The following INPP5K variants were observed in gnomAD, a reference collection of about 807,000 sequenced individuals.
INPP5K encodes inositol polyphosphate-5-phosphatase K.
In INPP5K, 35 loss-of-function variants were observed where a neutral mutation model predicts 53.5. That is an observed-to-expected ratio of 0.65 (90% CI 0.50 to 0.87). The LOEUF (loss-of-function observed/expected upper bound fraction) is 0.87. Ranked by LOEUF, INPP5K falls within the 40% of genes least tolerant of loss-of-function variation. The pLI is 0.00. For synonymous variants in INPP5K, 253 were observed against 232.8 expected (o/e 1.09, Z -0.79); for missense variants, 550 against 586.2 (o/e 0.94, Z 0.64).
chr17:1,509,741 A>C lies in INPP5K; in HGVS notation c.320T>G (p.Leu107Trp), dbSNP rs200716274. ...AGTAGACAGAATCTGGATATAGGGC[A>C]AATGCTGATACTTGGCAAAGACCAG... ...LLLVFAKYQH[L>W]PYIQILSTKS... Residue 107 changes from leucine (L) to tryptophan (W), a missense_variant, in exon 4 of 12, where the codon TTG becomes TGG. Transcript: ENST00000421807. 10 of 1,613,868 alleles carry C rather than the reference A, an allele frequency of 6.2e-6. No homozygotes were observed. The East Asian group carries it at 2.2e-4, about 36-fold the overall frequency.
intron 7 of INPP5K, 49 bp from the exon 8 acceptor site, chr17:1,498,171 G>A (rs1047712282): frequency 6.6e-7 from 1 of 1,506,368 alleles, no homozygotes; most frequent in Non-Finnish European, 9.0e-7. Flanking sequence ...AGAAGAAAGG[G>A]TTGGCTAAGA....
chr17:1,498,244 G>C (rs2074914286), intron 7 of INPP5K, 122 bp from the exon 8 acceptor site: 1 of 823,232 alleles, frequency 1.2e-6, no homozygotes, highest in Non-Finnish European at 1.9e-6. Context: ...GGCAGCCACA[G>C]ACCCCCGGGG....
At chr17:1,495,961 G>T in intron 11 of INPP5K, 82 bp from the exon 12 acceptor site, 1 of 1,411,576 alleles carries the variant, frequency 7.1e-7, no homozygotes, top group Non-Finnish European at 1.0e-6. Flanking sequence ...GCACTGCAGC[G>T]GCCCCTCATG....
chr17:1,514,905 CTTTTTTTTTT>C (rs774754833), intron 1 of INPP5K, among the ~76,000 whole-genome samples: 1 of 134,492 alleles, frequency 7.4e-6, no homozygotes, highest in South Asian at 2.3e-4. Context: ...TTCAGCGAGA[CTTTTTTTTTT>C]TTTTTTTTTG....
In INPP5K at chr17:1,498,140, A is replaced by G; in HGVS notation, c.777-18T>C. Reference sequence around the variant, plus strand: ...TTTTCTCACTGCAGGGGCAGGGGGCATAAAGAGGAAGAATGGGGAAAGAAG... The same window carrying G: ...TTTTCTCACTGCAGGGGCAGGGGGCGTAAAGAGGAAGAATGGGGAAAGAAG... On this transcript the variant is annotated intron_variant, in intron 7 of 11. Transcript: ENST00000421807. 1.3e-6 allele frequency: 2 copies of G among 1,576,212 alleles called. No individual in the cohort carries two copies. The highest frequency in any genetic ancestry group is 8.7e-7 in the Non-Finnish European group (1 of 1,155,482).
At chr17:1,502,589 G>T (rs1376300221) in intron 7 of INPP5K, among the ~76,000 whole-genome samples, 1 of 137,606 alleles carries the variant, frequency 7.3e-6, no homozygotes, top group Non-Finnish European at 1.5e-5. Flanking sequence ...GGCATACCAA[G>T]ATTTACTTAG....
chr17:1,500,991 C>T (rs1026835711), intron 7 of INPP5K, among the ~76,000 whole-genome samples: 6 of 146,380 alleles, frequency 4.1e-5, no homozygotes, highest in African/African-American at 1.0e-4. Context: ...GACGGAGTCT[C>T]GCTATCGCCC....
chr17:1,499,543 A>G (rs571563111), intron 7 of INPP5K, among the ~76,000 whole-genome samples: 1 of 152,282 alleles, frequency 6.6e-6, no homozygotes, highest in Admixed American at 6.5e-5. Context: ...TTCACTTGCC[A>G]GTTTCCCTGA....
rs2075143078 is a variant in INPP5K at position 1,505,857 on chromosome 17, G to A, written c.776+1123C>T. On this transcript the variant is annotated intron_variant, in intron 7 of 11. Coordinates refer to ENST00000421807, the MANE Select transcript of INPP5K (RefSeq NM_016532.4). ...GCTGGAACAAAGACCCTCATGACAT[G>A]TAAGGGGCTCTTCTTTTCTTCAAAG... Among the ~76,000 whole-genome samples the A allele has an allele frequency of 3.3e-5, 5 of 152,138 alleles. No individual in the cohort carries two copies. The South Asian group carries it at 8.3e-4, about 25-fold the overall frequency.
intron 6 of INPP5K, chr17:1,507,786 C>A (rs530327302): frequency 1.0e-5 from 2 of 193,014 alleles, no homozygotes; most frequent in Non-Finnish European, 2.1e-5. Context: ...CTCAGGTGAT[C>A]CACCCACCTC....
intron 6 of INPP5K, among the ~76,000 whole-genome samples, 164 bp downstream of exon 6, chr17:1,507,951 G>A (rs781591581): frequency 2.6e-5 from 4 of 151,984 alleles, no homozygotes; most frequent in African/African-American, 4.8e-5. Context: ...AAGATCAGGC[G>A]TGGCTGCCTC....
At position 1,496,408 on chromosome 17, in the gene INPP5K, A is replaced by G; in HGVS notation, c.1102-6T>C. The G allele has an allele frequency of 6.4e-7, 1 of 1,555,862 alleles. No individual in the cohort carries two copies. The highest frequency in any genetic ancestry group is 2.4e-5 in the East Asian group (1 of 41,736). ...TTAACGTCCCGCAGCCCCACCTGTG[A>G]GGGGGAGTCAGGCCATCAGTGGTCA... On this transcript the variant is annotated splice_polypyrimidine_tract_variant and splice_region_variant and intron_variant, in intron 9 of 11. Coordinates refer to ENST00000421807, the MANE Select transcript of INPP5K (RefSeq NM_016532.4).
chr17:1,502,220 G>A (rs1330424014), intron 7 of INPP5K, among the ~76,000 whole-genome samples: 2 of 152,106 alleles, frequency 1.3e-5, no homozygotes, highest in South Asian at 2.1e-4. Flanking sequence ...GTGGTGACGG[G>A]CGCCTGTAGT....
At chr17:1,508,993 G>A (rs1470187723) in intron 5 of INPP5K, 185 bp downstream of exon 5, 1 of 554,312 alleles carries the variant, frequency 1.8e-6, no homozygotes, top group East Asian at 3.1e-5. Context: ...GCAGACCCAG[G>A]CTCACTCGTG....
chr17:1,511,888 G>A (rs1393983933), intron 3 of INPP5K, among the ~76,000 whole-genome samples: 1 of 152,088 alleles, frequency 6.6e-6, no homozygotes, highest in Non-Finnish European at 1.5e-5. Flanking sequence ...GGTGGGGTCG[G>A]GGCAGGACAG....
rs1477800256 is a variant in INPP5K, at chr17:1,509,326, G to C, written c.406C>G (p.Leu136Val). 3 of 1,613,928 alleles carry C rather than the reference G, an allele frequency of 1.9e-6. No homozygotes were observed. The highest frequency in any genetic ancestry group is 2.7e-5 in the African/African-American group (2 of 74,916). ...CTGACATAGTAGCCATAAAGCTTCA[G>C]GCAGATGTTGACTCCACCTTTGTTC... ...WGNKGGVNIC[L>V]KLYGYYVSII... Residue 136 changes from leucine to valine, a missense_variant, in exon 5 of 12, where the codon CTG becomes GTG. Physicochemically the swap from Leu to Val is conservative, Grantham distance 32. Transcript: ENST00000421807.
chr17:1,506,889 C>A (rs187406358), intron 7 of INPP5K, 91 bp downstream of exon 7: 82 of 884,230 alleles, frequency 9.3e-5, no homozygotes, highest in South Asian at 2.2e-4. Context: ...TCCTGCCCCC[C>A]CTAACACTTC....
rs781726635 is a variant in INPP5K at position 1,513,492 on chromosome 17, A to G, written c.222T>C (p.Ser74=). The part of the protein sequence containing the change: ...SDAAFNDSWS[S]FLMDVLSPLS... The stretch of plus-strand genomic sequence containing the variant: ...GAGGGGAAAGCACATCCATGAGGAA[A>G]CTGCTCCACGAGTCATTAAAGGCAG... The change falls in exon 3 of 12, where the codon AGT becomes AGC. Residue 74 remains serine, a synonymous_variant. Transcript: ENST00000421807. 1 of 1,614,218 alleles carries G rather than the reference A, an allele frequency of 6.2e-7. No individual in the cohort carries two copies. Among genetic ancestry groups the G allele is most frequent in the East Asian group, 2.2e-5 (1 of 44,886 alleles).
intron 7 of INPP5K, among the ~76,000 whole-genome samples, chr17:1,503,307 C>A (rs1364582690): frequency 1.3e-5 from 2 of 151,906 alleles, no homozygotes; most frequent in Non-Finnish European, 2.9e-5. Flanking sequence ...CCTCAGCCTC[C>A]CGAGTAGCTG....
Sources: gnomAD v4.1 joint callset for allele counts (sites outside exome capture counted in the v4.1 genomes callset) on GRCh38, gnomAD v4.1.1 for gene constraint, MANE v1.5 for transcripts, NCBI Gene and HGNC (gene_info 2026-07-23, HGNC 2026-07-21) for gene names.